LMBR1: variants seen among roughly 807,000 people sequenced by gnomAD.
LMBR1 encodes the protein limb development membrane protein 1.
A neutral mutation model predicts 73.9 loss-of-function variants in LMBR1; 52 were observed. The ratio of observed to expected loss-of-function variants is 0.70; its 90% CI spans 0.56 to 0.89. LMBR1 has a LOEUF of 0.89. LMBR1 is among the 40% of genes least tolerant of loss of function. LMBR1 has a pLI of 0.00. For missense variants in LMBR1, 539 were observed against 579.8 expected (o/e 0.93, Z 0.72); for synonymous variants, 215 against 209.4 (o/e 1.03, Z -0.23).
At position 156,680,382 on chromosome 7, in the gene LMBR1, G is replaced by GAA. The variant is rs1554456538; in HGVS notation, c.*3695_*3696insTT. The GAA allele has an allele frequency of 2.8e-3, 390 of 141,158 alleles. 3 individuals are homozygous for GAA. Among genetic ancestry groups the GAA allele is most frequent in the African/African-American group, 0.01 (360 of 35,976 alleles). The allele number at this position is 141,158 out of a possible 1,614,324, so 8.7% of individuals were successfully genotyped here. A position where few individuals can be genotyped will look rare whatever the true frequency, so the allele number is the denominator to read the frequency against. On this transcript the variant is annotated 3_prime_UTR_variant, in exon 17 of 17. Coordinates refer to ENST00000353442, the MANE Select transcript of LMBR1 (RefSeq NM_022458.4). ...CTTATACGTATCTGAGAGACAGAGA[G>GAA]AGAGAGAGAGAGAGAGAGAGAGTGT... is the stretch of plus-strand genomic sequence containing the variant.
At chr7:156,740,164 G>A (rs955545092) in intron 9 of LMBR1, among the ~76,000 whole-genome samples, 1 of 151,960 alleles carries the variant, frequency 6.6e-6, no homozygotes, top group African/African-American at 2.4e-5. Flanking sequence ...AGAAAGAACT[G>A]GTGAGCTTGA....
intron 2 of LMBR1, among the ~76,000 whole-genome samples, chr7:156,835,713 AC>A (rs536209739): frequency 2.9e-4 from 42 of 146,600 alleles, no homozygotes; most frequent in South Asian, 8.6e-4. Flanking sequence ...AAAAAAAAAA[AC>A]ATCAAGTCTT....
chr7:156,850,559 G>A (rs1229745481), intron 1 of LMBR1, among the ~76,000 whole-genome samples: 1 of 151,968 alleles, frequency 6.6e-6, no homozygotes, highest in Non-Finnish European at 1.5e-5. Flanking sequence ...TTTGTGTCTG[G>A]CTTCTTTCAC....
chr7:156,728,195 T>C (rs1816147970), intron 11 of LMBR1, among the ~76,000 whole-genome samples, 188 bp from the exon 12 acceptor site: 1 of 152,234 alleles, frequency 6.6e-6, no homozygotes, highest in African/African-American at 2.4e-5. Context: ...CTGCAAGTTA[T>C]TGTCATTTCA....
intron 15 of LMBR1, among the ~76,000 whole-genome samples, chr7:156,707,542 C>T (rs1811219226): frequency 6.6e-6 from 1 of 152,100 alleles, no homozygotes; most frequent in Non-Finnish European, 1.5e-5. Context: ...GGTTTTATAC[C>T]AGGAGTGTAA....
chr7:156,704,921 A>C (rs1416883047), intron 15 of LMBR1, among the ~76,000 whole-genome samples: 1 of 152,104 alleles, frequency 6.6e-6, no homozygotes, highest in African/African-American at 2.4e-5. Flanking sequence ...AAAAGGAACA[A>C]AAAAGAATGA....
chr7:156,680,096 T>A lies in LMBR1; in HGVS notation c.*3982A>T, dbSNP rs1443297396. ...AAGTAATTTGCGTACACAGTACTTTTGCTTCAGTTGTGTTTGCAGCAATAA... is the reference window on the plus strand; with the variant it reads ...AAGTAATTTGCGTACACAGTACTTTAGCTTCAGTTGTGTTTGCAGCAATAA... On this transcript the variant is annotated 3_prime_UTR_variant, in exon 17 of 17. Coordinates refer to ENST00000353442, the MANE Select transcript of LMBR1 (RefSeq NM_022458.4). 2 of 152,092 alleles carry A rather than the reference T, an allele frequency of 1.3e-5. No individual in the cohort carries two copies. The highest frequency in any genetic ancestry group is 2.9e-5 in the Non-Finnish European group (2 of 68,014). 9.4% of individuals were successfully genotyped at this position (152,092 alleles called of 1,614,324 possible). A position where few individuals can be genotyped will look rare whatever the true frequency, so the allele number is the denominator to read the frequency against.
chr7:156,766,217 G>A (rs1824050298), intron 5 of LMBR1, among the ~76,000 whole-genome samples: 1 of 152,062 alleles, frequency 6.6e-6, no homozygotes, highest in Non-Finnish European at 1.5e-5. Context: ...TACAGCAGAT[G>A]GCCTTGGGAT....
At chr7:156,798,422 G>A (rs990363548) in intron 4 of LMBR1, among the ~76,000 whole-genome samples, 5 of 151,932 alleles carry the variant, frequency 3.3e-5, no homozygotes, top group African/African-American at 1.2e-4. Context: ...CCTGGTTTTT[G>A]TTACTAGAAA....
At chr7:156,684,676 G>C (rs73163989) in intron 16 of LMBR1, among the ~76,000 whole-genome samples, 234 of 152,336 alleles carry the variant, frequency 1.5e-3, no homozygotes, top group Non-Finnish European at 2.8e-3. Context: ...ACACACACAG[G>C]CTGGGCGTGG....
chr7:156,735,389 T>G (rs562587912), intron 9 of LMBR1, among the ~76,000 whole-genome samples: 7 of 152,130 alleles, frequency 4.6e-5, no homozygotes, highest in Non-Finnish European at 1.0e-4. Flanking sequence ...CATATTTCTA[T>G]GCATTTATCA....
intron 3 of LMBR1, among the ~76,000 whole-genome samples, chr7:156,831,163 T>C (rs983336386): frequency 6.6e-6 from 1 of 151,850 alleles, no homozygotes; most frequent in Non-Finnish European, 1.5e-5. Context: ...TGAGAGTTAA[T>C]TCAGTGGGAT....
chr7:156,830,019 C>A (rs1205226288), intron 3 of LMBR1, among the ~76,000 whole-genome samples: 1 of 152,206 alleles, frequency 6.6e-6, no homozygotes, highest in South Asian at 2.1e-4. Context: ...AGGACTTCTG[C>A]TCCTCACCTA....
chr7:156,829,348 T>TG lies in LMBR1; in HGVS notation c.180-2605dup, dbSNP rs538149322. ...AAATGTGATCCCCCAGTGTTGGAGG[T>TG]GGGGCCTCATGGGAGGTACTGGATC... On this transcript the variant is annotated intron_variant, in intron 3 of 16. Transcript: ENST00000353442. Among the ~76,000 whole-genome samples the TG allele has an allele frequency of 2.1e-4, 32 of 152,272 alleles. No individual in the cohort carries two copies. In the East Asian group the frequency reaches 6.0e-3, roughly 28 times the overall value.
At chr7:156,697,376 G>A (rs901521757) in intron 15 of LMBR1, among the ~76,000 whole-genome samples, 1 of 152,162 alleles carries the variant, frequency 6.6e-6, no homozygotes, top group Non-Finnish European at 1.5e-5. Flanking sequence ...ACAGAAAACA[G>A]GGTTCGAGAG....
Position 156,724,176 on chromosome 7 carries a change from G to C in LMBR1, c.1161C>G (p.Ile387Met). The change falls in exon 15 of 17, where the codon ATC (isoleucine) becomes ATG (methionine). Residue 387 changes from isoleucine to methionine, a missense_variant and splice_region_variant. Physicochemically the swap from Ile to Met is conservative, Grantham distance 10. Transcript: ENST00000353442. ...PKKDDTTMTK[I>M]IGNCVSILVL... The stretch of plus-strand genomic sequence containing the variant: ...CCAAGATGGACACACAATTTCCAAT[G>C]ATCTGTTATGAGAAACGAGAAAGAA... 1 of 1,609,388 alleles carries C rather than the reference G, an allele frequency of 6.2e-7. No individual in the cohort carries two copies. The highest frequency in any genetic ancestry group is 8.5e-7 in the Non-Finnish European group (1 of 1,177,004).
At chr7:156,684,252 A>G (rs1380551095) in intron 16 of LMBR1, 89 bp from the exon 17 acceptor site, 7 of 1,007,486 alleles carry the variant, frequency 6.9e-6, no homozygotes, top group Admixed American at 1.8e-5. Context: ...AGATTTACAA[A>G]GCTAAGTGTT....
At position 156,682,771 on chromosome 7, in the gene LMBR1, T is replaced by C. The variant is rs895880326; in HGVS notation, c.*1307A>G. Reference sequence around the variant, plus strand: ...TTTAAATGTAACAATTTGAAAAAAATGTTTTACTTTTGTCTGAACACAGAC... The same window carrying C: ...TTTAAATGTAACAATTTGAAAAAAACGTTTTACTTTTGTCTGAACACAGAC... On this transcript the variant is annotated 3_prime_UTR_variant, in exon 17 of 17. Coordinates refer to ENST00000353442, the MANE Select transcript of LMBR1 (RefSeq NM_022458.4). The C allele has an allele frequency of 1.3e-5, 2 of 152,188 alleles. No homozygotes were observed. Among genetic ancestry groups the C allele is most frequent in the African/African-American group, 4.8e-5 (2 of 41,440 alleles). 9.4% of individuals were successfully genotyped at this position (152,188 alleles called of 1,614,324 possible).
At chr7:156,761,911 A>G (rs1385797206) in intron 8 of LMBR1, among the ~76,000 whole-genome samples, 2 of 148,040 alleles carry the variant, frequency 1.4e-5, no homozygotes, top group Non-Finnish European at 3.0e-5. Flanking sequence ...CAGGGGGCGG[A>G]GCCTGCAGTG....
Sources: gnomAD v4.1 joint callset for allele counts (sites outside exome capture counted in the v4.1 genomes callset) on GRCh38, gnomAD v4.1.1 for gene constraint, MANE v1.5 for transcripts, NCBI Gene and HGNC (gene_info 2026-07-23, HGNC 2026-07-21) for gene names.